ARHGAP29: variants seen among roughly 807,000 people sequenced by gnomAD.
The protein encoded by ARHGAP29 is Rho GTPase activating protein 29.
Under a neutral mutation model 122.6 loss-of-function variants are expected in ARHGAP29, and 43 were observed. The observed-to-expected ratio is 0.35, with a 90% CI of 0.27 to 0.45. The LOEUF is 0.45. Among genes scored for constraint, ARHGAP29 ranks in the 20% least tolerant of loss-of-function variants. The pLI, the probability that ARHGAP29 is intolerant of heterozygous loss-of-function variation, is 1.00. For missense variants in ARHGAP29, 1,303 were observed against 1,477.2 expected (o/e 0.88, Z 1.93); for synonymous variants, 506 against 497.1 (o/e 1.02, Z -0.24).
chr1:94,272,945 T>C (rs1398576932), intron 1 of ARHGAP29, among the ~76,000 whole-genome samples: 3 of 152,208 alleles, frequency 2.0e-5, no homozygotes. Context: ...ATCTTCAATG[T>C]AGACAGATTC....
At chr1:94,289,964 T>A in the ARHGAP29 span, among the ~76,000 whole-genome samples, 1 of 152,192 alleles carries the variant, frequency 6.6e-6, no homozygotes, top group Admixed American at 6.5e-5. Context: ...TTTTTCATTG[T>A]GTCTCTGCCA....
intron 12 of ARHGAP29, chr1:94,192,497 T>C (rs1349504536): frequency 6.6e-6 from 1 of 152,142 alleles, no homozygotes; most frequent in Non-Finnish European, 1.5e-5. Flanking sequence ...GTTTCTTTTG[T>C]ATATTTATTT....
At chr1:94,183,239 C>A (rs1649589487) in intron 19 of ARHGAP29, among the ~76,000 whole-genome samples, 1 of 152,002 alleles carries the variant, frequency 6.6e-6, no homozygotes, top group Non-Finnish European at 1.5e-5. Flanking sequence ...CTGGAAGCAA[C>A]AGAACTGCAG....
At chr1:94,228,855 A>C (rs1652769003) in intron 2 of ARHGAP29, among the ~76,000 whole-genome samples, 1 of 151,856 alleles carries the variant, frequency 6.6e-6, no homozygotes, top group African/African-American at 2.4e-5. Flanking sequence ...TTAGTGCTTC[A>C]GTTAGTAATA....
In ARHGAP29 at chr1:94,202,714, G is replaced by A; in HGVS notation, c.973C>T (p.Leu325Phe). 6.2e-7 allele frequency: 1 copy of A among 1,613,466 alleles called. No individual in the cohort carries two copies. The highest frequency in any genetic ancestry group is 1.1e-5 in the South Asian group (1 of 90,846). ...QNKMLEAENA[L>F]KKAKLLCMQR... Reference sequence around the variant, plus strand: ...ATGCATAATAATTTTGCCTTTTTGAGAGCATTCTCTGCTTCAAGCTACACC... The same window carrying A: ...ATGCATAATAATTTTGCCTTTTTGAAAGCATTCTCTGCTTCAAGCTACACC... Residue 325 changes from leucine to phenylalanine, a missense_variant, in exon 11 of 23, where the codon CTC becomes TTC. Around this residue, in one of 3 missense-constraint regions of ARHGAP29, gnomAD observed 592 missense variants for 648.2 expected, o/e 0.91. Coordinates refer to ENST00000260526, the MANE Select transcript of ARHGAP29 (RefSeq NM_004815.4).
At chr1:94,255,647 G>A (rs1009099206) in intron 1 of ARHGAP29, among the ~76,000 whole-genome samples, 2 of 152,196 alleles carry the variant, frequency 1.3e-5, no homozygotes, top group African/African-American at 4.8e-5. Context: ...ACTCTGGGGT[G>A]TGGCCCAGGA....
At chr1:94,236,691 T>A (rs1200677357) in intron 1 of ARHGAP29, among the ~76,000 whole-genome samples, 1 of 152,152 alleles carries the variant, frequency 6.6e-6, no homozygotes, top group African/African-American at 2.4e-5. Context: ...AAATTTTTTT[T>A]TTTAATTAAA....
intron 3 of ARHGAP29, among the ~76,000 whole-genome samples, chr1:94,209,757 A>T (rs1196219323): frequency 6.6e-6 from 1 of 152,172 alleles, no homozygotes; most frequent in Non-Finnish European, 1.5e-5. Flanking sequence ...TAGCTCACTG[A>T]AGGCAATATG....
intron 1 of ARHGAP29, among the ~76,000 whole-genome samples, chr1:94,256,532 T>A (rs1570612664): frequency 7.5e-6 from 1 of 133,264 alleles, no homozygotes; most frequent in Admixed American, 7.9e-5. Context: ...TTAACAGTAC[T>A]AATCTTTTTT....
intron 1 of ARHGAP29, among the ~76,000 whole-genome samples, chr1:94,268,454 AT>A (rs914897404): frequency 2.6e-5 from 4 of 151,720 alleles, no homozygotes; most frequent in Non-Finnish European, 4.4e-5. Flanking sequence ...ATTCTGCTCA[AT>A]TTTTTTTCTA....
chr1:94,178,341 T>C lies in ARHGAP29; in HGVS notation c.2481-174A>G, dbSNP rs541096944. On this transcript the variant is annotated intron_variant, in intron 20 of 22. Transcript: ENST00000260526. ...ATTAAAATATTGACCACATGCCAAA[T>C]AGAGTTTCACAGTTTCACAGTATTG... Among the ~76,000 whole-genome samples the C allele has an allele frequency of 2.6e-5, 4 of 152,266 alleles. No individual in the cohort carries two copies. In the East Asian group the frequency reaches 7.7e-4, roughly 29 times the overall value.
chr1:94,201,083 C>T (rs1422447777), intron 12 of ARHGAP29, among the ~76,000 whole-genome samples: 2 of 152,054 alleles, frequency 1.3e-5, no homozygotes, highest in Non-Finnish European at 2.9e-5. Flanking sequence ...GGACAGAATG[C>T]TTTGTCTCCA....
chr1:94,288,525 G>T, the ARHGAP29 span, among the ~76,000 whole-genome samples: 1 of 152,212 alleles, frequency 6.6e-6, no homozygotes, highest in African/African-American at 2.4e-5. Context: ...GTCAATTTTG[G>T]CTTTTGTTGC....
chr1:94,237,326 G>A, intron 1 of ARHGAP29, 89 bp downstream of exon 1: 1 of 907,672 alleles, frequency 1.1e-6, no homozygotes, highest in Non-Finnish European at 1.3e-6. Context: ...CCGGACCCTG[G>A]ACGGCAATTC....
intron 1 of ARHGAP29, among the ~76,000 whole-genome samples, chr1:94,234,124 A>G (rs570239823): frequency 6.6e-6 from 1 of 152,294 alleles, no homozygotes; most frequent in East Asian, 1.9e-4. Context: ...TCTACTTTTC[A>G]TCACTGCTCA....
At chr1:94,219,895 C>T (rs1652185095) in intron 3 of ARHGAP29, among the ~76,000 whole-genome samples, 1 of 152,166 alleles carries the variant, frequency 6.6e-6, no homozygotes, top group Admixed American at 6.5e-5. Flanking sequence ...TTTAAGTAGT[C>T]ACTGCACATT....
At chr1:94,244,768 T>C (rs1183643531) in intron 1 of ARHGAP29, among the ~76,000 whole-genome samples, 1 of 151,808 alleles carries the variant, frequency 6.6e-6, no homozygotes, top group Non-Finnish European at 1.5e-5. Flanking sequence ...CAACAAACAA[T>C]TGAACAAAAA....
chr1:94,218,281 T>C (rs1300885519), intron 3 of ARHGAP29, among the ~76,000 whole-genome samples: 1 of 152,190 alleles, frequency 6.6e-6, no homozygotes, highest in East Asian at 1.9e-4. Flanking sequence ...CAGAGGAAGT[T>C]TCCCAACAAC....
chr1:94,213,478 G>A (rs1288883206), intron 3 of ARHGAP29, among the ~76,000 whole-genome samples: 1 of 152,208 alleles, frequency 6.6e-6, no homozygotes, highest in African/African-American at 2.4e-5. Flanking sequence ...CACCGCACCC[G>A]GCCTGGAAAA....
Sources: gnomAD v4.1 joint callset for allele counts (sites outside exome capture counted in the v4.1 genomes callset) on GRCh38, gnomAD v4.1.1 for gene constraint, gnomAD v4.1.1 regional missense constraint, MANE v1.5 for transcripts, NCBI Gene and HGNC (gene_info 2026-07-23, HGNC 2026-07-21) for gene names.